GPAT4: variants seen among roughly 807,000 people sequenced by gnomAD.
GPAT4 encodes glycerol-3-phosphate acyltransferase 4.
A neutral mutation model predicts 58.0 loss-of-function variants in GPAT4; 17 were observed. The ratio of observed to expected loss-of-function variants is 0.29; its 90% CI spans 0.20 to 0.44. GPAT4 has a LOEUF of 0.44. GPAT4 is among the 20% of genes least tolerant of loss of function. The pLI is 1.00. For missense variants in GPAT4, 377 were observed against 574.5 expected (o/e 0.66, Z 3.51); for synonymous variants, 204 against 210.1 (o/e 0.97, Z 0.25).
At chr8:41,582,193 G>A (rs185691520) in intron 1 of GPAT4, among the ~76,000 whole-genome samples, 2 of 149,134 alleles carry the variant, frequency 1.3e-5, no homozygotes, top group Admixed American at 1.3e-4. Context: ...TAGTAGAGAT[G>A]GGATTTCACC....
chr8:41,612,344 C>T (rs1803469629), intron 7 of GPAT4, 71 bp downstream of exon 7: 2 of 1,486,482 alleles, frequency 1.3e-6, no homozygotes, highest in Non-Finnish European at 1.9e-6. Context: ...TAGGAGGCTC[C>T]TGGACCCTTC....
chr8:41,614,464 G>A lies in GPAT4; in HGVS notation c.967+23G>A, dbSNP rs758373197. The A allele has an allele frequency of 1.6e-4, 253 of 1,613,022 alleles. 1 individual carries two copies. Among genetic ancestry groups the A allele is most frequent in the South Asian group, 9.9e-4 (90 of 91,056 alleles). The stretch of plus-strand genomic sequence containing the variant: ...AAGGTAAGAAGGGGTTGGTTGCCAC[G>A]AAGGGCTTCTGTGGGGAGTGCAGGA... On this transcript the variant is annotated intron_variant, in intron 9 of 12. Transcript: ENST00000396987.
rs774380443 is a variant in GPAT4, at chr8:41,609,855, C to T, written c.436C>T (p.Leu146=). 1.9e-6 allele frequency: 3 copies of T among 1,614,232 alleles called. No homozygotes were observed. Among genetic ancestry groups the T allele is most frequent in the Non-Finnish European group, 2.5e-6 (3 of 1,180,042 alleles). The part of the protein sequence containing the change: ...SAEELESWNL[L]SRTNYNFQYI... ...AGAAGAACTGGAGTCCTGGAACCTGCTGAGCAGAACCAATTATAACTTCCA... is the reference window on the plus strand; with the variant it reads ...AGAAGAACTGGAGTCCTGGAACCTGTTGAGCAGAACCAATTATAACTTCCA... The change falls in exon 4 of 13, where the codon CTG becomes TTG. Residue 146 remains leucine, a synonymous_variant. Transcript: ENST00000396987.
intron 1 of GPAT4, among the ~76,000 whole-genome samples, chr8:41,596,702 C>T (rs1054184801): frequency 8.5e-5 from 13 of 152,240 alleles, no homozygotes; most frequent in African/African-American, 2.9e-4. Flanking sequence ...AGGCCTAAGT[C>T]ACCTAAGGGG....
At chr8:41,613,253 A>G (rs1803494880) in intron 8 of GPAT4, among the ~76,000 whole-genome samples, 2 of 152,048 alleles carry the variant, frequency 1.3e-5, no homozygotes, top group South Asian at 4.1e-4. Context: ...AAAATTATTG[A>G]CGGGCATCTG....
chr8:41,617,648 C>G (rs1803633601), intron 10 of GPAT4, among the ~76,000 whole-genome samples: 2 of 152,194 alleles, frequency 1.3e-5, no homozygotes, highest in Non-Finnish European at 2.9e-5. Flanking sequence ...GAGTTCAACC[C>G]TAGCCCATCC....
chr8:41,579,492 A>G (rs1485559741), intron 1 of GPAT4, among the ~76,000 whole-genome samples: 3 of 152,236 alleles, frequency 2.0e-5, no homozygotes, highest in Non-Finnish European at 4.4e-5. Context: ...AACACAGTAG[A>G]GTTGAAGAAA....
chr8:41,591,164 G>A (rs562350821), intron 1 of GPAT4, among the ~76,000 whole-genome samples: 82 of 152,162 alleles, frequency 5.4e-4, no homozygotes, highest in African/African-American at 1.9e-3. Flanking sequence ...TGCATGCACC[G>A]GTAATCAGAA....
At chr8:41,619,048 G>T in intron 12 of GPAT4, 71 bp downstream of exon 12, 5 of 1,541,946 alleles carry the variant, frequency 3.2e-6, no homozygotes, top group Non-Finnish European at 4.5e-6. Context: ...TCACTTACAT[G>T]TCATTCCCCG....
At chr8:41,615,459 G>GTT (rs1803571378) in intron 10 of GPAT4, among the ~76,000 whole-genome samples, 1 of 151,400 alleles carries the variant, frequency 6.6e-6, no homozygotes, top group African/African-American at 2.4e-5. Flanking sequence ...ATTGGGGGGG[G>GTT]GGTCATTACT....
intron 2 of GPAT4, among the ~76,000 whole-genome samples, chr8:41,603,007 T>C (rs1485213725): frequency 6.6e-6 from 1 of 152,170 alleles, no homozygotes; most frequent in East Asian, 1.9e-4. Flanking sequence ...CACCTCCAAA[T>C]GCCATCACCT....
chr8:41,612,037 A>G (rs762162677), intron 6 of GPAT4, 45 bp downstream of exon 6: 3 of 1,606,994 alleles, frequency 1.9e-6, no homozygotes, highest in Non-Finnish European at 8.5e-7. Context: ...GCGCTGCAGG[A>G]AACACCACCC....
chr8:41,594,888 G>A (rs1440171255), intron 1 of GPAT4, among the ~76,000 whole-genome samples: 2 of 152,000 alleles, frequency 1.3e-5, no homozygotes, highest in Admixed American at 6.6e-5. Flanking sequence ...TTCAGGGCAA[G>A]AATTTACCAT....
chr8:41,587,815 C>T (rs1227438274), intron 1 of GPAT4, among the ~76,000 whole-genome samples: 1 of 152,194 alleles, frequency 6.6e-6, no homozygotes, highest in African/African-American at 2.4e-5. Flanking sequence ...AGGTTACATA[C>T]ATTTAAAATT....
intron 1 of GPAT4, among the ~76,000 whole-genome samples, chr8:41,586,285 A>G (rs191850600): frequency 2.0e-5 from 3 of 152,302 alleles, no homozygotes; most frequent in East Asian, 3.9e-4. Flanking sequence ...CATTGTATGG[A>G]TACACCACAT....
intron 12 of GPAT4, 59 bp downstream of exon 12, chr8:41,619,036 C>T (rs545230877): frequency 3.8e-6 from 6 of 1,576,156 alleles, no homozygotes; most frequent in African/African-American, 1.3e-5. Flanking sequence ...GTGTCATTGA[C>T]TTCACTTACA....
At chr8:41,618,836 C>G (rs1585678377) in intron 11 of GPAT4, 24 bp downstream of exon 11, 1 of 1,614,240 alleles carries the variant, frequency 6.2e-7, no homozygotes, top group African/African-American at 1.3e-5. Context: ...CCAGGCAGGT[C>G]TGCGCCTGCT....
intron 1 of GPAT4, among the ~76,000 whole-genome samples, chr8:41,595,830 C>T (rs1288990306): frequency 2.0e-5 from 3 of 151,966 alleles, no homozygotes; most frequent in South Asian, 2.1e-4. Flanking sequence ...CTCTTTTCCT[C>T]TCTGTCTCTT....
At chr8:41,614,487 G>A (rs1803538720) in intron 9 of GPAT4, 46 bp downstream of exon 9, 2 of 1,575,700 alleles carry the variant, frequency 1.3e-6, no homozygotes, top group Non-Finnish European at 1.7e-6. Context: ...GGGGAGTGCA[G>A]GAGTGTGATG....
Sources: gnomAD v4.1 joint callset for allele counts (sites outside exome capture counted in the v4.1 genomes callset) on GRCh38, gnomAD v4.1.1 for gene constraint, MANE v1.5 for transcripts, NCBI Gene and HGNC (gene_info 2026-07-23, HGNC 2026-07-21) for gene names.